LHX1: variants seen among roughly 807,000 people sequenced by gnomAD.
LHX1 encodes the protein LIM homeobox 1.
LHX1 carries 9 observed loss-of-function variants against 34.1 expected under a neutral mutation model. The observed-to-expected ratio is 0.26, with a 90% CI of 0.16 to 0.46. LHX1 has a LOEUF of 0.46. Among genes scored for constraint, LHX1 ranks in the 20% least tolerant of loss-of-function variants. The probability of loss-of-function intolerance (pLI) is 1.00; values close to 1 mark genes in which losing one functional copy is unlikely to be tolerated. For missense variants in LHX1, 446 were observed against 559.1 expected, an observed-to-expected ratio of 0.80 and a Z score of 2.04; for synonymous variants, 254 against 241.5, an observed-to-expected ratio of 1.05 and a Z score of -0.48.
At chr17:36,936,944 G>A, upstream of LHX1, 1 of 233,412 alleles carries the variant, frequency 4.3e-6, no homozygotes, top group Non-Finnish European at 8.6e-6. Context: ...AGCCGTTCCA[G>A]CCGCCGGCCT....
At position 36,937,517 on chromosome 17, in the gene LHX1, G is replaced by A. The variant is rs2070734353; in HGVS notation, c.-681G>A. 3.2e-6 allele frequency: 1 copy of A among 312,102 alleles called. No homozygotes were observed. The highest frequency in any genetic ancestry group is 6.3e-6 in the Non-Finnish European group (1 of 159,138). The allele number at this position is 312,102 out of a possible 1,614,324, so 19.3% of individuals were successfully genotyped here. ...CCCTCCCCTCTTTCCCTTCTCCCGC[G>A]GTCGGCCCTCGCCCCCTCCCCCAGG... On this transcript the variant is annotated 5_prime_UTR_variant, in exon 1 of 5. Transcript: ENST00000614239.
intron 3 of LHX1, chr17:36,941,206 C>T (rs1295754878): frequency 3.1e-6 from 2 of 635,100 alleles, no homozygotes; most frequent in Middle Eastern, 2.6e-4. Context: ...CATACCCCAC[C>T]CCACCTCGGG....
At position 36,940,430 on chromosome 17, in the gene LHX1, T is replaced by G; in HGVS notation, c.311T>G (p.Leu104Arg). The G allele has an allele frequency of 6.2e-7, 1 of 1,614,160 alleles. No individual in the cohort carries two copies. Among genetic ancestry groups the G allele is most frequent in the Non-Finnish European group, 8.5e-7 (1 of 1,180,046 alleles). Residue 104 changes from leucine to arginine, a missense_variant, in exon 2 of 5, where the codon CTC becomes CGC. Physicochemically the swap from Leu to Arg is moderately radical, Grantham distance 102. Around this residue, in one of 3 missense-constraint regions of LHX1, gnomAD observed 168 missense variants for 226.6 expected, o/e 0.74. Transcript: ENST00000614239. ...CNKQLSTGEE[L>R]YIIDENKFVC... ...AAGCAGCTCTCCACTGGCGAGGAACTCTACATCATCGACGAGAATAAGTTC... is the reference window on the plus strand; with the variant it reads ...AAGCAGCTCTCCACTGGCGAGGAACGCTACATCATCGACGAGAATAAGTTC...
rs1421984886 is a variant in LHX1 at position 36,942,289 on chromosome 17, G to A, written c.765G>A (p.Pro255=). Residue 255 remains proline, a synonymous_variant, in exon 4 of 5, where the codon CCG becomes CCA. Transcript: ENST00000614239. The part of the protein sequence containing the change: ...GARRHAFFRS[P]RRMRPLVDRL... ...GGCGCCACGCCTTCTTCCGCAGTCC[G>A]CGCCGGATGCGGCCGCTGGTGGACC... 2 of 1,595,142 alleles carry A rather than the reference G, an allele frequency of 1.3e-6. No homozygotes were observed. Among genetic ancestry groups the A allele is most frequent in the African/African-American group, 1.3e-5 (1 of 74,714 alleles).
intron 1 of LHX1, among the ~76,000 whole-genome samples, chr17:36,939,311 T>G (rs1021699199): frequency 6.6e-6 from 1 of 152,196 alleles, no homozygotes; most frequent in Non-Finnish European, 1.5e-5. Flanking sequence ...ATGTGAAATA[T>G]CGCAATTTAC....
Position 36,943,040 on chromosome 17 carries a change from C to G in LHX1, c.1130C>G (p.Pro377Arg), listed in dbSNP as rs758398612. ...TCGGCCGAGGTCTTCGGACCCAGCCCGCCCTTCTCGTCGCTGTCGGTCAAC... is the reference window on the plus strand; with the variant it reads ...TCGGCCGAGGTCTTCGGACCCAGCCGGCCCTTCTCGTCGCTGTCGGTCAAC... ...SMSAEVFGPS[P>R]PFSSLSVNGG... Residue 377 changes from proline (P) to arginine (R), a missense_variant, in exon 5 of 5, where the codon CCG (proline) becomes CGG (arginine). Physicochemically the swap from Pro to Arg is moderately radical, Grantham distance 103. Coordinates refer to ENST00000614239, the MANE Select transcript of LHX1 (RefSeq NM_005568.5). 3.1e-6 allele frequency: 5 copies of G among 1,606,392 alleles called. No individual in the cohort carries two copies. Among genetic ancestry groups the G allele is most frequent in the East Asian group, 4.5e-5 (2 of 44,618 alleles).
At chr17:36,940,234 C>T in intron 1 of LHX1, 56 bp from the exon 2 acceptor site, 1 of 1,037,972 alleles carries the variant, frequency 9.6e-7, no homozygotes, top group Admixed American at 2.0e-5. Context: ...GCCTGTCTCC[C>T]CTTGCCCCTG....
intron 1 of LHX1, 136 bp from the exon 2 acceptor site, chr17:36,940,154 C>T: frequency 1.5e-6 from 1 of 652,702 alleles, no homozygotes; most frequent in East Asian, 2.7e-5. Context: ...TCTTTCTGTG[C>T]TCCATTCCTC....
At chr17:36,942,123 G>A in intron 3 of LHX1, 77 bp from the exon 4 acceptor site, 3 of 1,457,260 alleles carry the variant, frequency 2.1e-6, no homozygotes, top group Middle Eastern at 2.4e-4. Flanking sequence ...GCGGTGAAGG[G>A]GTGCTGGCTA....
rs759035953 is a variant in LHX1, at chr17:36,938,386, C to T, written c.170+19C>T. Reference sequence around the variant, plus strand: ...TCTTCCGGTGAGTACTTTCCTCCCACGCCTCTGCTGCTACCTCCCCGCGGG... The same window carrying T: ...TCTTCCGGTGAGTACTTTCCTCCCATGCCTCTGCTGCTACCTCCCCGCGGG... On this transcript the variant is annotated intron_variant, in intron 1 of 4. Transcript: ENST00000614239. 1.9e-6 allele frequency: 3 copies of T among 1,612,978 alleles called. No individual in the cohort carries two copies. The highest frequency in any genetic ancestry group is 2.5e-6 in the Non-Finnish European group (3 of 1,179,008).
chr17:36,941,747 A>G (rs530357710), intron 3 of LHX1, among the ~76,000 whole-genome samples: 1 of 152,330 alleles, frequency 6.6e-6, no homozygotes, highest in Non-Finnish European at 1.5e-5. Context: ...ATGGGTGTGA[A>G]AAGGAGATTG....
At chr17:36,940,025 C>CCAAGCTA in intron 1 of LHX1, 1 of 588,972 alleles carries the variant, frequency 1.7e-6, no homozygotes, top group Non-Finnish European at 3.0e-6. Context: ...GTAGCTTGGG[C>CCAAGCTA]CCCTGGCTCT....
Position 36,942,232 on chromosome 17 carries a change from G to A in LHX1, c.708G>A (p.Arg236=), listed in dbSNP as rs765112362. The A allele has an allele frequency of 4.4e-6, 7 of 1,601,780 alleles. No individual in the cohort carries two copies. Among genetic ancestry groups the A allele is most frequent in the Non-Finnish European group, 5.9e-6 (7 of 1,177,022 alleles). Reference sequence around the variant, plus strand: ...TCCAGAACCGGCGCTCCAAGGAGCGGAGGATGAAGCAGCTGAGCGCCCTGG... The same window carrying A: ...TCCAGAACCGGCGCTCCAAGGAGCGAAGGATGAAGCAGCTGAGCGCCCTGG... ...VWFQNRRSKE[R]RMKQLSALGA... is the part of the protein sequence containing the mutation. Residue 236 remains arginine (R), a synonymous_variant, in exon 4 of 5, where the codon CGG becomes CGA. Transcript: ENST00000614239.
rs749118370 is a variant in LHX1 at position 36,938,325 on chromosome 17, T to G, written c.128T>G (p.Phe43Cys). 1 of 1,614,158 alleles carries G rather than the reference T, an allele frequency of 6.2e-7. No homozygotes were observed. The highest frequency in any genetic ancestry group is 1.1e-5 in the South Asian group (1 of 91,076). Reference protein sequence around the residue: ...ECKCNLTEKCFSREGKLYCKN... With the variant: ...ECKCNLTEKCCSREGKLYCKN... ...AAATGCAACCTGACCGAGAAGTGCT[T>G]CTCCAGGGAAGGCAAACTCTACTGC... The change falls in exon 1 of 5, where the codon TTC becomes TGC. Residue 43 changes from phenylalanine (F) to cysteine (C), a missense_variant. By Grantham distance (205) the Phe-to-Cys change is radical. This residue lies in a region of LHX1 where 168 missense variants were observed against 226.6 expected (regional missense o/e 0.74). Transcript: ENST00000614239.
Position 36,943,343 on chromosome 17 carries a change from T to G in LHX1, c.*212T>G. The G allele has an allele frequency of 1.7e-6, 1 of 574,420 alleles. No individual in the cohort carries two copies. Among genetic ancestry groups the G allele is most frequent in the Non-Finnish European group, 3.0e-6 (1 of 337,242 alleles). 35.6% of individuals were successfully genotyped at this position (574,420 alleles called of 1,614,324 possible). A position where few individuals can be genotyped will look rare whatever the true frequency, so the allele number is the denominator to read the frequency against. Reference sequence around the variant, plus strand: ...GTGGGACTGGGATCCGCGCACTGGCTGTCGACGTGCAGAACTGGGGCTCCC... The same window carrying G: ...GTGGGACTGGGATCCGCGCACTGGCGGTCGACGTGCAGAACTGGGGCTCCC... On this transcript the variant is annotated 3_prime_UTR_variant, in exon 5 of 5. Transcript: ENST00000614239.
In LHX1 at chr17:36,938,139, C is replaced by T. The variant is rs2070740977; in HGVS notation, c.-59C>T. ...GTGCCGATTGTCTTCAGGAGTCATC[C>T]CCTGGGCTCTACTTTGCCCCTCTCT... On this transcript the variant is annotated 5_prime_UTR_variant, in exon 1 of 5. Transcript: ENST00000614239. 3.2e-6 allele frequency: 5 copies of T among 1,549,774 alleles called. No individual in the cohort carries two copies. Among genetic ancestry groups the T allele is most frequent in the Non-Finnish European group, 4.4e-6 (5 of 1,123,856 alleles).
At chr17:36,939,781 G>C (rs2070752099) in intron 1 of LHX1, among the ~76,000 whole-genome samples, 1 of 152,272 alleles carries the variant, frequency 6.6e-6, no homozygotes, top group Non-Finnish European at 1.5e-5. Flanking sequence ...CAACAGCGGG[G>C]CTAGACATCG....
chr17:36,940,546 G>A (rs1304165924), intron 2 of LHX1, 30 bp downstream of exon 2: 8 of 1,613,588 alleles, frequency 5.0e-6, no homozygotes, highest in Non-Finnish European at 5.9e-6. Flanking sequence ...CTGGCTAGGT[G>A]CAAGCGGGTC....
At position 36,937,653 on chromosome 17, in the gene LHX1, G is replaced by C. The variant is rs998554352; in HGVS notation, c.-545G>C. On this transcript the variant is annotated 5_prime_UTR_variant, in exon 1 of 5. Coordinates refer to ENST00000614239, the MANE Select transcript of LHX1 (RefSeq NM_005568.5). ...TCCTTCCCTTTTTTAAAAAAAGAGG[G>C]GGGAAATCCCAGTGGTGGGCAGCCT... is the stretch of plus-strand genomic sequence containing the variant. The C allele has an allele frequency of 8.3e-5, 29 of 350,082 alleles. No homozygotes were observed. The highest frequency in any genetic ancestry group is 6.3e-4 in the African/African-American group (29 of 45,694). 21.7% of individuals were successfully genotyped at this position (350,082 alleles called of 1,614,324 possible).
Sources: allele counts gnomAD v4.1 joint callset (sites outside exome capture counted in the v4.1 genomes callset), GRCh38; gene constraint gnomAD v4.1.1; regional missense constraint gnomAD v4.1.1; transcripts MANE v1.5; gene names NCBI Gene and HGNC (gene_info 2026-07-23, HGNC 2026-07-21).